The following DPP6 variants were observed in gnomAD, a reference collection of about 807,000 sequenced individuals.
DPP6 encodes the protein dipeptidyl peptidase like 6.
DPP6 carries 69 observed loss-of-function variants against 122.6 expected under a neutral mutation model. The observed-to-expected ratio is 0.56, with a 90% confidence interval of 0.46 to 0.69. The LOEUF is 0.69. DPP6 is among the 30% of genes least tolerant of loss of function. The pLI is 0.00. For missense variants in DPP6, 928 were observed against 1,116.9 expected (o/e 0.83, Z 2.41); for synonymous variants, 418 against 433.1 (o/e 0.97, Z 0.43).
intron 12 of DPP6, among the ~76,000 whole-genome samples, chr7:154,799,149 G>A (rs1307243665): frequency 6.6e-6 from 1 of 152,192 alleles, no homozygotes; most frequent in Non-Finnish European, 1.5e-5. Context: ...AGGACCCGGT[G>A]CAAGAACAGA....
chr7:153,803,580 C>G, the DPP6 span, among the ~76,000 whole-genome samples: 1 of 151,930 alleles, frequency 6.6e-6, no homozygotes, highest in African/African-American at 2.4e-5. Context: ...CACTGGCTTT[C>G]CTGCCTCTTC....
At chr7:153,979,014 T>A (rs367758505) in intron 1 of DPP6, among the ~76,000 whole-genome samples, 10 of 152,136 alleles carry the variant, frequency 6.6e-5, no homozygotes, top group Non-Finnish European at 1.2e-4. Context: ...TAGGATTGTC[T>A]TGGCTATATG....
chr7:154,719,188 G>C (rs1429131564), intron 7 of DPP6, among the ~76,000 whole-genome samples: 4 of 152,066 alleles, frequency 2.6e-5, no homozygotes, highest in Non-Finnish European at 5.9e-5. Flanking sequence ...CGGCGTGTTT[G>C]GGTGATTGAT....
Position 153,918,427 on chromosome 7 carries a change from AACACACACACAC to A in DPP6, c.51+30722_51+30733del, listed in dbSNP as rs5888535. Among the ~76,000 whole-genome samples, 306 of 110,752 alleles carry A rather than the reference AACACACACACAC, an allele frequency of 2.8e-3. 4 individuals carry two copies. Among genetic ancestry groups the A allele is most frequent in the East Asian group, 4.2e-3 (15 of 3,548 alleles). The allele number at this position is 110,752 out of a possible 152,430, so 72.7% of individuals were successfully genotyped here. On this transcript the variant is annotated intron_variant, in intron 1 of 25. Transcript: ENST00000404039. ...CAAGGCAAAAAGAAGAGTTAATTAA[AACACACACACAC>A]ACACACACACACACACACACACACA...
chr7:154,225,580 A>G (rs1173173301), intron 1 of DPP6, among the ~76,000 whole-genome samples: 22 of 152,140 alleles, frequency 1.4e-4, no homozygotes. Flanking sequence ...ATGAGAAAAA[A>G]AAATCTCATT....
chr7:154,834,230 G>A (rs1365381548), intron 16 of DPP6, among the ~76,000 whole-genome samples: 1 of 151,680 alleles, frequency 6.6e-6, no homozygotes, highest in Non-Finnish European at 1.5e-5. Flanking sequence ...CACTTTGGGA[G>A]GCCGAGGCAG....
At chr7:154,019,582 C>T (rs1798602367) in intron 1 of DPP6, among the ~76,000 whole-genome samples, 2 of 152,088 alleles carry the variant, frequency 1.3e-5, no homozygotes, top group Non-Finnish European at 2.9e-5. Flanking sequence ...ATTCTTTCTC[C>T]AGAGATGTCT....
chr7:154,374,718 T>C (rs1163611844), intron 1 of DPP6, among the ~76,000 whole-genome samples: 1 of 151,960 alleles, frequency 6.6e-6, no homozygotes, highest in East Asian at 1.9e-4. Context: ...TTCAAGCGAT[T>C]CTCCTGCCTC....
intron 1 of DPP6, among the ~76,000 whole-genome samples, chr7:154,116,694 A>G (rs890101405): frequency 2.6e-5 from 4 of 152,148 alleles, no homozygotes; most frequent in African/African-American, 9.7e-5. Flanking sequence ...TTTCTGATCT[A>G]TCTTTCTTGA....
At chr7:154,598,142 C>T (rs546934970) in intron 5 of DPP6, among the ~76,000 whole-genome samples, 1 of 152,248 alleles carries the variant, frequency 6.6e-6, no homozygotes, top group South Asian at 2.1e-4. Flanking sequence ...GTACAGACTT[C>T]TATTAAAACA....
At chr7:154,785,958 T>G (rs967376093) in intron 10 of DPP6, among the ~76,000 whole-genome samples, 9 of 152,200 alleles carry the variant, frequency 5.9e-5, no homozygotes, top group African/African-American at 2.2e-4. Flanking sequence ...GCATTGCCCT[T>G]TTCCCCAAGT....
intron 1 of DPP6, among the ~76,000 whole-genome samples, chr7:153,907,371 C>G (rs1310726611): frequency 1.3e-5 from 2 of 152,132 alleles, no homozygotes. Context: ...TAAAGAGGGA[C>G]AGACAAACTG....
At chr7:154,196,375 AGCTATTCAGGAGGCT>A (rs1798868067) in intron 1 of DPP6, among the ~76,000 whole-genome samples, 1 of 152,188 alleles carries the variant, frequency 6.6e-6, no homozygotes, top group African/African-American at 2.4e-5. Context: ...CTGTAATCCA[AGCTATTCAGGAGGCT>A]GCAGCAGAAG....
chr7:154,460,432 T>C (rs528981911), intron 2 of DPP6, among the ~76,000 whole-genome samples: 2 of 152,340 alleles, frequency 1.3e-5, no homozygotes, highest in African/African-American at 4.8e-5. Context: ...AAGTCCTCTA[T>C]AGATGTGTTT....
intron 1 of DPP6, among the ~76,000 whole-genome samples, chr7:154,033,502 G>A (rs1008649717): frequency 2.6e-5 from 4 of 152,192 alleles, no homozygotes; most frequent in African/African-American, 9.7e-5. Flanking sequence ...TCCTGGCTAC[G>A]CTGCCTTCCT....
At chr7:154,202,047 A>G (rs78505468) in intron 1 of DPP6, among the ~76,000 whole-genome samples, 3,437 of 152,228 alleles carry the variant, frequency 0.023, 131 homozygotes, top group African/African-American at 0.077. Flanking sequence ...CTAAAAGTGG[A>G]GCTACGACTA....
In DPP6 at chr7:154,307,311, A is replaced by G. The variant is rs140252422; in HGVS notation, c.244-138903A>G. ...TTGGAAATCCCATGTCCTTGAACCT[A>G]TTCAATCGGAGAAGGCTTAAACTGA... On this transcript the variant is annotated intron_variant, in intron 1 of 25. Transcript: ENST00000377770. Among the ~76,000 whole-genome samples the G allele has an allele frequency of 1.6e-3, 243 of 152,298 alleles. 1 individual carries two copies. The highest frequency in any genetic ancestry group is 5.4e-3 in the African/African-American group (225 of 41,568).
intron 1 of DPP6, among the ~76,000 whole-genome samples, chr7:154,033,603 C>T (rs533384066): frequency 3.3e-5 from 5 of 152,330 alleles, no homozygotes; most frequent in African/African-American, 1.2e-4. Context: ...AAGAGGTGAC[C>T]TTGTATCTAG....
the DPP6 span, among the ~76,000 whole-genome samples, chr7:153,851,544 G>A: frequency 1.3e-5 from 2 of 151,824 alleles, no homozygotes; most frequent in Non-Finnish European, 1.5e-5. Flanking sequence ...TTTCACTTTT[G>A]TAACTTTCAA....
Sources: gnomAD v4.1 joint callset for allele counts (sites outside exome capture counted in the v4.1 genomes callset) on GRCh38, gnomAD v4.1.1 for gene constraint, MANE v1.5 for transcripts, NCBI Gene and HGNC (gene_info 2026-07-23, HGNC 2026-07-21) for gene names.